XPNPEP3: variants seen among roughly 807,000 people sequenced by gnomAD.
XPNPEP3 encodes xaa-Pro aminopeptidase 3.
In XPNPEP3, 41 loss-of-function variants were observed where a neutral mutation model predicts 60.0. The observed-to-expected ratio is 0.68, with a 90% CI of 0.53 to 0.89. XPNPEP3 has a LOEUF of 0.89. Ranked by LOEUF, XPNPEP3 falls within the 40% of genes least tolerant of loss-of-function variation. The pLI is 0.00. For missense variants in XPNPEP3, 598 were observed against 638.9 expected, an observed-to-expected ratio of 0.94 and a Z score of 0.69; for synonymous variants, 212 against 223.2, an observed-to-expected ratio of 0.95 and a Z score of 0.45.
At chr22:40,918,623 G>T (rs919449526) in intron 7 of XPNPEP3, among the ~76,000 whole-genome samples, 1 of 151,460 alleles carries the variant, frequency 6.6e-6, no homozygotes, top group Non-Finnish European at 1.5e-5. Flanking sequence ...GGTGGAGGTC[G>T]CAGTGAGCCG....
chr22:40,863,353 G>A (rs2057961687), intron 1 of XPNPEP3, among the ~76,000 whole-genome samples: 1 of 152,106 alleles, frequency 6.6e-6, no homozygotes, highest in Admixed American at 6.5e-5. Flanking sequence ...TCTATACCTG[G>A]CTCATTTTAT....
At chr22:40,859,373 G>A (rs2057927262) in intron 1 of XPNPEP3, among the ~76,000 whole-genome samples, 1 of 151,998 alleles carries the variant, frequency 6.6e-6, no homozygotes, top group Admixed American at 6.6e-5. Context: ...TAAATTTTTG[G>A]TTTTCTGTTA....
rs139034222 is a variant in XPNPEP3 at position 40,907,531 on chromosome 22, T to C, written c.793-56T>C. On this transcript the variant is annotated intron_variant, in intron 4 of 9. Transcript: ENST00000357137. ...TTTGAGCTCCAGTATTTTGAATGTTTGAGTAAGCAACATAGAATGAGATCG... is the reference window on the plus strand; with the variant it reads ...TTTGAGCTCCAGTATTTTGAATGTTCGAGTAAGCAACATAGAATGAGATCG... The C allele has an allele frequency of 9.7e-6, 15 of 1,551,284 alleles. No homozygotes were observed. In the African/African-American group the frequency reaches 2.0e-4, roughly 21 times the overall value.
chr22:40,873,462 A>G (rs1235303964), intron 2 of XPNPEP3, among the ~76,000 whole-genome samples: 1 of 152,050 alleles, frequency 6.6e-6, no homozygotes, highest in African/African-American at 2.4e-5. Context: ...TCAGAATGCA[A>G]CTGTGTGGCA....
chr22:40,879,577 C>T (rs1400988276), intron 2 of XPNPEP3, among the ~76,000 whole-genome samples: 1 of 152,066 alleles, frequency 6.6e-6, no homozygotes, highest in African/African-American at 2.4e-5. Context: ...CATGGTGGCT[C>T]ATGCCTGTAA....
At chr22:40,914,160 A>G in intron 6 of XPNPEP3, 79 bp from the exon 7 acceptor site, 3 of 1,252,004 alleles carry the variant, frequency 2.4e-6, no homozygotes, top group Non-Finnish European at 3.5e-6. Context: ...AAAAAAAAAA[A>G]GAAAGGCATA....
chr22:40,881,444 G>T (rs1029722581), intron 2 of XPNPEP3, among the ~76,000 whole-genome samples: 1 of 142,022 alleles, frequency 7.0e-6, no homozygotes, highest in African/African-American at 2.6e-5. Context: ...CAACAAGAGC[G>T]AAACTCTGTC....
At chr22:40,863,257 G>A (rs918887895) in intron 1 of XPNPEP3, among the ~76,000 whole-genome samples, 2 of 152,182 alleles carry the variant, frequency 1.3e-5, no homozygotes, top group African/African-American at 2.4e-5. Flanking sequence ...AGTAGAATTC[G>A]AGAGCCAAAT....
chr22:40,917,338 G>A (rs2058199792), intron 7 of XPNPEP3: 1 of 151,958 alleles, frequency 6.6e-6, no homozygotes, highest in Admixed American at 6.6e-5. Context: ...CTTGTGAATA[G>A]CCAGTACACA....
intron 4 of XPNPEP3, among the ~76,000 whole-genome samples, chr22:40,902,721 A>G (rs573568850): frequency 5.3e-5 from 8 of 152,208 alleles, no homozygotes; most frequent in South Asian, 2.1e-4. Flanking sequence ...ATAGAGTTCA[A>G]TTGTTAAAGA....
chr22:40,878,610 G>C (rs1358364992), intron 2 of XPNPEP3, among the ~76,000 whole-genome samples: 1 of 149,236 alleles, frequency 6.7e-6, no homozygotes, highest in South Asian at 2.1e-4. Flanking sequence ...TTTTTGAGAC[G>C]GAATCTTACT....
intron 7 of XPNPEP3, among the ~76,000 whole-genome samples, chr22:40,919,110 TTTTTTAAA>T (rs1187814893): frequency 6.6e-6 from 1 of 152,162 alleles, no homozygotes; most frequent in Non-Finnish European, 1.5e-5. Context: ...CAATTAAAAA[TTTTTTAAA>T]TTTTTAAATG....
intron 2 of XPNPEP3, among the ~76,000 whole-genome samples, chr22:40,874,224 A>G (rs1405507997): frequency 6.6e-6 from 1 of 152,156 alleles, no homozygotes; most frequent in Non-Finnish European, 1.5e-5. Flanking sequence ...GCGCCACTGC[A>G]CTCTAGCCTG....
intron 1 of XPNPEP3, chr22:40,860,987 TAA>T: frequency 1.7e-5 from 23 of 1,353,014 alleles, no homozygotes; most frequent in South Asian, 9.9e-5. Flanking sequence ...AGTATAGTAT[TAA>T]GTGTTATCTA....
rs2057992248 is a variant in XPNPEP3 at position 40,868,928 on chromosome 22, A to T, written c.65-71A>T. 3.4e-6 allele frequency: 4 copies of T among 1,188,466 alleles called. No individual in the cohort carries two copies. In the African/African-American group the frequency reaches 6.0e-5, roughly 18 times the overall value. 73.6% of individuals were successfully genotyped at this position (1,188,466 alleles called of 1,614,324 possible). Reference sequence around the variant, plus strand: ...TTCTAAAGCATCTAAACTGCTAGAGATAAGTGTATTTATACCATGAAGACT... The same window carrying T: ...TTCTAAAGCATCTAAACTGCTAGAGTTAAGTGTATTTATACCATGAAGACT... On this transcript the variant is annotated intron_variant, in intron 1 of 9. Transcript: ENST00000357137.
chr22:40,863,412 GTTTAT>G (rs569818587), intron 1 of XPNPEP3, among the ~76,000 whole-genome samples: 3 of 152,056 alleles, frequency 2.0e-5, no homozygotes, highest in Non-Finnish European at 4.4e-5. Flanking sequence ...TCTATGTTGT[GTTTAT>G]TTTATTTTCC....
chr22:40,922,719 T>C (rs2058221084), intron 8 of XPNPEP3, among the ~76,000 whole-genome samples: 2 of 145,836 alleles, frequency 1.4e-5, no homozygotes, highest in Admixed American at 1.3e-4. Flanking sequence ...CATGTAGATA[T>C]ATACACACAC....
intron 7 of XPNPEP3, among the ~76,000 whole-genome samples, chr22:40,915,068 T>C (rs78716221): frequency 1.3e-5 from 2 of 149,884 alleles, no homozygotes; most frequent in African/African-American, 4.9e-5. Flanking sequence ...TTTTTTTTTT[T>C]TGAGACGGAG....
intron 4 of XPNPEP3, among the ~76,000 whole-genome samples, chr22:40,906,371 T>G (rs1242479661): frequency 6.6e-6 from 1 of 150,988 alleles, no homozygotes; most frequent in Non-Finnish European, 1.5e-5. Context: ...CAGTGAGTTC[T>G]GATCACTCCA....
Sources: allele counts gnomAD v4.1 joint callset (sites outside exome capture counted in the v4.1 genomes callset), GRCh38; gene constraint gnomAD v4.1.1; transcripts MANE v1.5; gene names NCBI Gene and HGNC (gene_info 2026-07-23, HGNC 2026-07-21).